The following COL11A1 variants were observed in gnomAD, a reference collection of about 807,000 sequenced individuals.
COL11A1 encodes collagen alpha-1(XI) chain.
A neutral mutation model predicts 265.2 loss-of-function variants in COL11A1; 74 were observed. That is an observed-to-expected ratio of 0.28 (90% CI 0.23 to 0.34). The LOEUF (loss-of-function observed/expected upper bound fraction) is 0.34. Ranked by LOEUF, COL11A1 falls within the 10% of genes least tolerant of loss-of-function variation. COL11A1 has a pLI of 1.00. For synonymous variants in COL11A1, 816 were observed against 727.6 expected (o/e 1.12, Z -1.96); for missense variants, 2,165 against 2,263.6 (o/e 0.96, Z 0.88).
intron 52 of COL11A1, 55 bp from the exon 53 acceptor site, chr1:102,913,745 A>C (rs537366379): frequency 6.7e-7 from 1 of 1,491,614 alleles, no homozygotes; most frequent in South Asian, 1.1e-5. Flanking sequence ...AATAAATCAC[A>C]CTACTTATCA....
chr1:102,963,671 G>T (rs933047206), intron 38 of COL11A1, among the ~76,000 whole-genome samples: 10 of 151,928 alleles, frequency 6.6e-5, no homozygotes, highest in African/African-American at 2.4e-4. Flanking sequence ...CTTGGATAAG[G>T]TATACACCTG....
At chr1:102,999,428 C>T (rs1664916273) in intron 24 of COL11A1, among the ~76,000 whole-genome samples, 1 of 151,802 alleles carries the variant, frequency 6.6e-6, no homozygotes, top group Non-Finnish European at 1.5e-5. Context: ...TATTTTGTGT[C>T]TTGTTATTTT....
chr1:103,043,750 G>T (rs1284858292), intron 4 of COL11A1, among the ~76,000 whole-genome samples: 1 of 151,952 alleles, frequency 6.6e-6, no homozygotes, highest in African/African-American at 2.4e-5. Flanking sequence ...CCTTTAAGTG[G>T]CAGACTTCTA....
intron 1 of COL11A1, among the ~76,000 whole-genome samples, chr1:103,107,233 T>C: frequency 6.6e-6 from 1 of 152,004 alleles, no homozygotes; most frequent in East Asian, 1.9e-4. Context: ...TGGTGCCACG[T>C]AGGAACTGTT....
Position 103,105,880 on chromosome 1 carries a change from G to T in COL11A1, c.106+2193C>A, listed in dbSNP as rs1196531825. Among the ~76,000 whole-genome samples the T allele has an allele frequency of 9.9e-5, 15 of 152,068 alleles. No individual in the cohort carries two copies. The East Asian group carries it at 2.9e-3, about 29-fold the overall frequency. ...AAAAGTGGATTTATGTTAATATGTG[G>T]CCTCCCAGGAAAAATGAGCACTAAA... On this transcript the variant is annotated intron_variant, in intron 1 of 66. Coordinates refer to ENST00000370096, the MANE Select transcript of COL11A1 (RefSeq NM_001854.4).
intron 4 of COL11A1, among the ~76,000 whole-genome samples, chr1:103,062,606 G>A (rs886945507): frequency 4.0e-5 from 6 of 151,880 alleles, no homozygotes; most frequent in Non-Finnish European, 7.4e-5. Flanking sequence ...GAAAGCATTT[G>A]ACAAAATACA....
At chr1:102,897,360 A>T (rs958834691) in intron 57 of COL11A1, among the ~76,000 whole-genome samples, 3 of 151,858 alleles carry the variant, frequency 2.0e-5, no homozygotes, top group Non-Finnish European at 4.4e-5. Context: ...TGCTATATGT[A>T]TGATTTGCCA....
chr1:103,065,010 C>A (rs541491582), intron 4 of COL11A1, among the ~76,000 whole-genome samples: 1 of 152,020 alleles, frequency 6.6e-6, no homozygotes, highest in Admixed American at 6.6e-5. Context: ...TTAGAATGTA[C>A]AACACCAAGA....
At chr1:103,020,420 AC>A (rs1199224182) in intron 9 of COL11A1, among the ~76,000 whole-genome samples, 2 of 128,548 alleles carry the variant, frequency 1.6e-5, no homozygotes, top group African/African-American at 6.0e-5. Flanking sequence ...TCCTTCGCCC[AC>A]TTTTTGATGG....
At chr1:103,036,268 C>T (rs892175686) in intron 4 of COL11A1, among the ~76,000 whole-genome samples, 8 of 146,832 alleles carry the variant, frequency 5.4e-5, no homozygotes, top group Non-Finnish European at 1.0e-4. Flanking sequence ...TAATTATATA[C>T]AAATTATAAT....
At chr1:102,891,711 C>CAA (rs34484060) in intron 57 of COL11A1, among the ~76,000 whole-genome samples, 37 of 67,298 alleles carry the variant, frequency 5.5e-4, no homozygotes, top group African/African-American at 1.3e-3. Flanking sequence ...ATTTTGTCTA[C>CAA]AAAAAAAAAA....
chr1:103,076,980 T>G (rs920989604), intron 3 of COL11A1, among the ~76,000 whole-genome samples: 6 of 152,116 alleles, frequency 3.9e-5, no homozygotes, highest in African/African-American at 1.2e-4. Flanking sequence ...TTATGGCAGT[T>G]GAGCTCAACA....
At position 102,912,222 on chromosome 1, in the gene COL11A1, G is replaced by A. The variant is rs763204252; in HGVS notation, c.4033-10C>T. 6.2e-6 allele frequency: 10 copies of A among 1,602,708 alleles called. No homozygotes were observed. The highest frequency in any genetic ancestry group is 3.3e-4 in the Middle Eastern group (2 of 6,038). On this transcript the variant is annotated splice_polypyrimidine_tract_variant and intron_variant, in intron 53 of 66. Coordinates refer to ENST00000370096, the MANE Select transcript of COL11A1 (RefSeq NM_001854.4). Reference sequence around the variant, plus strand: ...ATGGGCCAGGAGGACCCTATAAAATGTGAAAAAATACCTTTAACAAAATTG... The same window carrying A: ...ATGGGCCAGGAGGACCCTATAAAATATGAAAAAATACCTTTAACAAAATTG...
In COL11A1 at chr1:102,925,798, A is replaced by G. The variant is rs1252400491; in HGVS notation, c.3601-2409T>C. ...ATATTTTAACACAGTTTAAATAAAT[A>G]TTTCACTTTAACACCATTTTCTTAA... On this transcript the variant is annotated intron_variant, in intron 46 of 66. Coordinates refer to ENST00000370096, the MANE Select transcript of COL11A1 (RefSeq NM_001854.4). Among the ~76,000 whole-genome samples the G allele has an allele frequency of 3.3e-5, 5 of 152,100 alleles. No homozygotes were observed. In the East Asian group the frequency reaches 9.6e-4, roughly 29 times the overall value.
At chr1:103,019,291 A>T (rs1485588190) in intron 9 of COL11A1, among the ~76,000 whole-genome samples, 1 of 152,152 alleles carries the variant, frequency 6.6e-6, no homozygotes, top group Non-Finnish European at 1.5e-5. Context: ...AATTCAGGGA[A>T]ATTACAGAAA....
chr1:103,042,433 T>C (rs546293823), intron 4 of COL11A1, among the ~76,000 whole-genome samples: 4 of 152,228 alleles, frequency 2.6e-5, no homozygotes, highest in African/African-American at 9.6e-5. Flanking sequence ...GAATACTTGT[T>C]ATTCACTGTT....
intron 4 of COL11A1, among the ~76,000 whole-genome samples, chr1:103,067,036 G>A (rs1366874979): frequency 6.6e-6 from 1 of 151,576 alleles, no homozygotes; most frequent in African/African-American, 2.4e-5. Flanking sequence ...GCAAAAAATG[G>A]CAAAATGAAA....
At chr1:103,073,255 C>T (rs2102274183) in intron 4 of COL11A1, among the ~76,000 whole-genome samples, 1 of 151,786 alleles carries the variant, frequency 6.6e-6, no homozygotes, top group African/African-American at 2.4e-5. Context: ...AAAGAAATTC[C>T]ACTGATACTG....
At chr1:102,945,054 A>AT (rs144353168) in intron 42 of COL11A1, among the ~76,000 whole-genome samples, 139 of 150,050 alleles carry the variant, frequency 9.3e-4, no homozygotes, top group African/African-American at 2.9e-3. Flanking sequence ...TACAGAAAAC[A>AT]TTTTTTTTTT....
Sources: allele counts gnomAD v4.1 joint callset (sites outside exome capture counted in the v4.1 genomes callset), GRCh38; gene constraint gnomAD v4.1.1; transcripts MANE v1.5; gene names NCBI Gene and HGNC (gene_info 2026-07-23, HGNC 2026-07-21).